Variants in DTWD2 observed in about 807,000 individuals in gnomAD.
DTWD2 encodes the protein tRNA-uridine aminocarboxypropyltransferase 2.
In DTWD2, 39 loss-of-function variants were observed where a neutral mutation model predicts 31.8. The observed-to-expected ratio is 1.22, with a 90% CI of 0.95 to 1.60. The LOEUF is 1.60. Ranked by LOEUF, DTWD2 falls within the 40% of genes most tolerant of loss-of-function variation. The pLI is 0.00. For missense variants in DTWD2, 515 were observed against 381.5 expected (o/e 1.35, Z -2.92); for synonymous variants, 180 against 142.8 (o/e 1.26, Z -1.86).
chr5:118,916,565 T>C (rs1753582253), intron 4 of DTWD2, among the ~76,000 whole-genome samples: 1 of 151,390 alleles, frequency 6.6e-6, no homozygotes, highest in Non-Finnish European at 1.5e-5. Flanking sequence ...CTTGGGAGGT[T>C]GAGGCAGGAG....
At chr5:118,926,559 T>C (rs570779331) in intron 4 of DTWD2, among the ~76,000 whole-genome samples, 67 of 152,168 alleles carry the variant, frequency 4.4e-4, no homozygotes, top group Non-Finnish European at 8.4e-4. Context: ...AAAGAATTCA[T>C]TGATAATCCA....
chr5:118,846,649 C>A (rs1751859071), intron 5 of DTWD2, among the ~76,000 whole-genome samples: 1 of 151,908 alleles, frequency 6.6e-6, no homozygotes. Flanking sequence ...TATTAAGACA[C>A]CTGTGAAAAG....
chr5:118,944,463 A>G (rs982773289), intron 2 of DTWD2, 96 bp downstream of exon 2: 3 of 1,252,536 alleles, frequency 2.4e-6, no homozygotes, highest in African/African-American at 3.1e-5. Context: ...CTTTTCAGAA[A>G]TGCTAAAGAG....
intron 1 of DTWD2, among the ~76,000 whole-genome samples, chr5:118,952,152 G>A (rs1258975777): frequency 6.6e-6 from 1 of 152,190 alleles, no homozygotes; most frequent in African/African-American, 2.4e-5. Context: ...TGTTCCTTGG[G>A]CTGGTTGGTC....
intron 1 of DTWD2, among the ~76,000 whole-genome samples, chr5:118,977,474 G>C (rs1375023316): frequency 1.3e-5 from 2 of 152,200 alleles, no homozygotes; most frequent in Non-Finnish European, 2.9e-5. Flanking sequence ...AAGCTGATCA[G>C]CAACTTCAGC....
rs77663630 is a variant in DTWD2 at position 118,845,511 on chromosome 5, C to T, written c.726+2579G>A. Reference sequence around the variant, plus strand: ...AATTTTTGCCATCTGTAATAATAAGCAACTTGAGATGTTTTATTATGTATT... The same window carrying T: ...AATTTTTGCCATCTGTAATAATAAGTAACTTGAGATGTTTTATTATGTATT... On this transcript the variant is annotated intron_variant, in intron 5 of 5. Transcript: ENST00000510708. 4.7e-3 allele frequency among the ~76,000 whole-genome samples: 721 copies of T among 152,302 alleles called. 2 individuals are homozygous for T. The highest frequency in any genetic ancestry group is 0.02 in the Middle Eastern group (6 of 294).
chr5:118,915,468 A>G (rs1753553908), intron 4 of DTWD2, among the ~76,000 whole-genome samples: 1 of 148,894 alleles, frequency 6.7e-6, no homozygotes, highest in Non-Finnish European at 1.5e-5. Context: ...TCCACCTCCC[A>G]GGTTCACGCC....
chr5:118,890,391 C>T (rs896826308), intron 4 of DTWD2, among the ~76,000 whole-genome samples: 5 of 152,118 alleles, frequency 3.3e-5, no homozygotes, highest in East Asian at 3.9e-4. Context: ...TAAATTTCCA[C>T]GTACCTTTGA....
chr5:118,859,904 G>A (rs536910754), intron 4 of DTWD2, among the ~76,000 whole-genome samples: 1 of 152,244 alleles, frequency 6.6e-6, no homozygotes, highest in South Asian at 2.1e-4. Context: ...GATCACTTGA[G>A]CCCAGGAGTT....
intron 4 of DTWD2, among the ~76,000 whole-genome samples, chr5:118,892,314 T>G (rs908625061): frequency 6.6e-6 from 1 of 152,154 alleles, no homozygotes; most frequent in Non-Finnish European, 1.5e-5. Flanking sequence ...TTCAAATAAA[T>G]ACTTTCCTTT....
At chr5:118,845,646 C>T (rs935923615) in intron 5 of DTWD2, among the ~76,000 whole-genome samples, 2 of 152,144 alleles carry the variant, frequency 1.3e-5, no homozygotes, top group African/African-American at 4.8e-5. Context: ...CTCCTGGCAA[C>T]CAAAGCAAGC....
At chr5:118,988,129 C>G (rs1057118752) in intron 1 of DTWD2, 165 bp downstream of exon 1, 1 of 824,986 alleles carries the variant, frequency 1.2e-6, no homozygotes, top group African/African-American at 1.7e-5. Flanking sequence ...GGGCTTCTTA[C>G]TAGGTAGCTG....
At chr5:118,852,917 C>T (rs1338866273) in intron 4 of DTWD2, among the ~76,000 whole-genome samples, 1 of 152,114 alleles carries the variant, frequency 6.6e-6, no homozygotes, top group Non-Finnish European at 1.5e-5. Flanking sequence ...TTTGCAGCAA[C>T]ATGGATGCAG....
chr5:118,896,595 A>G (rs909526764), intron 4 of DTWD2, among the ~76,000 whole-genome samples: 3 of 152,244 alleles, frequency 2.0e-5, no homozygotes, highest in Non-Finnish European at 4.4e-5. Context: ...AAATTCCTTA[A>G]CACTTGAAAA....
chr5:118,867,525 T>C (rs544172000), intron 4 of DTWD2, among the ~76,000 whole-genome samples: 1 of 152,362 alleles, frequency 6.6e-6, no homozygotes, highest in East Asian at 1.9e-4. Context: ...GGACTGTCAC[T>C]TTCTAACAGC....
intron 4 of DTWD2, among the ~76,000 whole-genome samples, chr5:118,909,762 C>T (rs1015347948): frequency 9.2e-5 from 14 of 152,216 alleles, no homozygotes; most frequent in African/African-American, 3.4e-4. Flanking sequence ...GACTATGTAG[C>T]TAACAATAAC....
At chr5:118,975,422 C>A (rs1354250939) in intron 1 of DTWD2, among the ~76,000 whole-genome samples, 2 of 152,046 alleles carry the variant, frequency 1.3e-5, no homozygotes, top group Non-Finnish European at 2.9e-5. Context: ...CTTAGCAATT[C>A]GTCTAACCTT....
intron 5 of DTWD2, among the ~76,000 whole-genome samples, chr5:118,842,124 T>G (rs1334342760): frequency 6.6e-6 from 1 of 151,956 alleles, no homozygotes; most frequent in Non-Finnish European, 1.5e-5. Flanking sequence ...ACAACATAAG[T>G]GGTAGAAAAA....
chr5:118,915,943 A>G (rs1580804187), intron 4 of DTWD2, among the ~76,000 whole-genome samples: 1 of 152,376 alleles, frequency 6.6e-6, no homozygotes, highest in African/African-American at 2.4e-5. Flanking sequence ...ACAGTAATGC[A>G]ATGTGAATGA....
Sources: allele counts gnomAD v4.1 joint callset (sites outside exome capture counted in the v4.1 genomes callset), GRCh38; gene constraint gnomAD v4.1.1; transcripts MANE v1.5; gene names NCBI Gene and HGNC (gene_info 2026-07-23, HGNC 2026-07-21).